FAM153A: variants seen among roughly 807,000 people sequenced by gnomAD.
The protein encoded by FAM153A is family with sequence similarity 153 member A, also known as protein FAM153A.
A neutral mutation model predicts 48.1 loss-of-function variants in FAM153A; 12 were observed. The observed-to-expected ratio is 0.25, with a 90% CI of 0.16 to 0.40. The LOEUF (loss-of-function observed/expected upper bound fraction) is 0.40, where lower values mean the gene tolerates loss of function less well. Ranked by LOEUF, FAM153A falls within the 10% of genes least tolerant of loss-of-function variation. FAM153A has a pLI of 1.00. For missense variants in FAM153A, 111 were observed against 345.8 expected, an observed-to-expected ratio of 0.32 and a Z score of 5.38; for synonymous variants, 36 against 118.2, an observed-to-expected ratio of 0.30 and a Z score of 4.51.
At chr5:177,699,946 T>C in the FAM153A span, among the ~76,000 whole-genome samples, 1 of 151,382 alleles carries the variant, frequency 6.6e-6, no homozygotes, top group South Asian at 2.1e-4. Flanking sequence ...AATTTAGATA[T>C]AAAAATCCTT....
intron 24 of FAM153A, among the ~76,000 whole-genome samples, chr5:177,716,777 A>G (rs1759889827): frequency 6.6e-6 from 1 of 151,964 alleles, no homozygotes; most frequent in Non-Finnish European, 1.5e-5. Context: ...TTTAACAAAA[A>G]TCAAGAGGAC....
At chr5:177,754,617 G>A (rs1023453520), upstream of FAM153A, among the ~76,000 whole-genome samples, 39 of 151,870 alleles carry the variant, frequency 2.6e-4, 1 homozygote, top group African/African-American at 4.1e-4. Context: ...TCACATGGCC[G>A]GCTACTCCTC....
intron 1 of FAM153A, among the ~76,000 whole-genome samples, chr5:177,766,645 A>G (rs1356900109): frequency 1.1e-5 from 1 of 93,872 alleles, no homozygotes; most frequent in Non-Finnish European, 2.2e-5. Flanking sequence ...TCCTATGGCG[A>G]AACCTTTACT....
chr5:177,750,491 C>CTCACAAAGATGGGA (rs1766719868), intron 2 of FAM153A: 1 of 223,292 alleles, frequency 4.5e-6, no homozygotes, highest in Non-Finnish European at 9.0e-6. Flanking sequence ...CGTTATCACA[C>CTCACAAAGATGGGA]TCACAAAGAT....
At chr5:177,738,218 G>A (rs1764996182) in intron 10 of FAM153A, among the ~76,000 whole-genome samples, 1 of 151,376 alleles carries the variant, frequency 6.6e-6, no homozygotes, top group South Asian at 2.1e-4. Context: ...TTGGGTGTGT[G>A]TGCTGAACTG....
chr5:177,697,146 T>C, the FAM153A span, among the ~76,000 whole-genome samples: 1 of 151,384 alleles, frequency 6.6e-6, no homozygotes, highest in Admixed American at 6.6e-5. Flanking sequence ...ATAAAAGTTT[T>C]ATTGTATCAA....
the FAM153A span, among the ~76,000 whole-genome samples, chr5:177,697,042 A>G: frequency 6.6e-6 from 1 of 151,952 alleles, no homozygotes; most frequent in Non-Finnish European, 1.5e-5. Flanking sequence ...GAGAATTGTC[A>G]TCTTAACAAG....
chr5:177,711,589 TA>T (rs1346268674), exon 27 of FAM153A: 14 of 151,956 alleles, frequency 9.2e-5, no homozygotes, highest in Non-Finnish European at 2.1e-4. Flanking sequence ...GGTGAGTTCT[TA>T]TATATGTAAC....
upstream of FAM153A, chr5:177,753,248 G>A (rs751060836): frequency 1.5e-5 from 23 of 1,582,120 alleles, no homozygotes; most frequent in Admixed American, 1.5e-4. Context: ...TACTGCCAAC[G>A]TTCAGTTGCC....
At chr5:177,696,668 AT>A in the FAM153A span, among the ~76,000 whole-genome samples, 79 of 141,934 alleles carry the variant, frequency 5.6e-4, no homozygotes, top group Middle Eastern at 3.5e-3. Flanking sequence ...CACTCTCCTG[AT>A]TTTTTTTTTT....
rs1033701174 is a variant in FAM153A, at chr5:177,713,417, A to AT, written c.*1392-248dup. On this transcript the variant is annotated intron_variant and NMD_transcript_variant, in intron 26 of 26. Transcript: ENST00000360669. Reference sequence around the variant, plus strand: ...AGGTGCCTGCCACCATGCCCAGCTAATTTTTTTTTTTTTGTATTTTTAGTA... The same window carrying AT: ...AGGTGCCTGCCACCATGCCCAGCTAATTTTTTTTTTTTTTGTATTTTTAGTA... 1.9e-3 allele frequency among the ~76,000 whole-genome samples: 266 copies of AT among 143,182 alleles called. 2 individuals carry two copies. Among genetic ancestry groups the AT allele is most frequent in the Middle Eastern group, 3.6e-3 (1 of 276 alleles). 93.9% of individuals were successfully genotyped at this position (143,182 alleles called of 152,430 possible).
At chr5:177,695,480 T>C in the FAM153A span, among the ~76,000 whole-genome samples, 1 of 152,182 alleles carries the variant, frequency 6.6e-6, no homozygotes, top group African/African-American at 2.4e-5. Flanking sequence ...CATGCTGCCT[T>C]CAGGCATCTG....
exon 27 of FAM153A, chr5:177,711,933 C>T (rs1022082399): frequency 3.3e-5 from 5 of 151,804 alleles, no homozygotes; most frequent in Admixed American, 2.0e-4. Context: ...ATTACTGTTA[C>T]AAGAATAACG....
chr5:177,739,485 T>C, intron 9 of FAM153A, 115 bp downstream of exon 11: 1 of 1,089,468 alleles, frequency 9.2e-7, no homozygotes, highest in Admixed American at 2.4e-5. Context: ...CAAGAAATTC[T>C]GTAAGTCATC....
intron 25 of FAM153A, among the ~76,000 whole-genome samples, chr5:177,715,888 C>T (rs1386268439): frequency 6.6e-6 from 1 of 151,536 alleles, no homozygotes; most frequent in East Asian, 1.9e-4. Flanking sequence ...GTTGCCTAGG[C>T]TGGTGTCAAA....
chr5:177,706,197 G>T (rs185629378), downstream of FAM153A, among the ~76,000 whole-genome samples: 17,911 of 150,790 alleles, frequency 0.12, 1,328 homozygotes, highest in East Asian at 0.33. Context: ...TGTTTTTTTT[G>T]TTGTTGTTGT....
Position 177,744,878 on chromosome 5 carries a change from G to C in FAM153A, c.339+10C>G. On this transcript the variant is annotated intron_variant, in intron 5 of 20. Transcript: ENST00000614127. The stretch of plus-strand genomic sequence containing the variant: ...ACAGTTTTTTCTCAGACAAATCCAG[G>C]TGGCCTGACCTTCATCGCCTCTTGG... 1 of 1,321,868 alleles carries C rather than the reference G, an allele frequency of 7.6e-7. No homozygotes were observed. The allele number at this position is 1,321,868 out of a possible 1,614,324, so 81.9% of individuals were successfully genotyped here. A position where few individuals can be genotyped will look rare whatever the true frequency, so the allele number is the denominator to read the frequency against.
At chr5:177,719,175 C>T (rs1043481883), downstream of FAM153A, among the ~76,000 whole-genome samples, 3 of 151,268 alleles carry the variant, frequency 2.0e-5, no homozygotes, top group Non-Finnish European at 4.4e-5. Flanking sequence ...TGAGCCACCT[C>T]GCCTGGCCTG....
At chr5:177,723,968 TG>T in exon 21 of FAM153A, 1 of 595,948 alleles carries the variant, frequency 1.7e-6, no homozygotes, top group Non-Finnish European at 3.0e-6. Context: ...GTCCTGCACA[TG>T]GGGGTGCGAC....
Sources: gnomAD v4.1 joint callset for allele counts (sites outside exome capture counted in the v4.1 genomes callset) on GRCh38, gnomAD v4.1.1 for gene constraint, MANE v1.5 for transcripts, NCBI Gene and HGNC (gene_info 2026-07-23, HGNC 2026-07-21) for gene names.